Variants in NTRK3 observed in about 807,000 individuals in gnomAD.
NTRK3 encodes the protein NT-3 growth factor receptor.
Under a neutral mutation model 91.7 loss-of-function variants are expected in NTRK3, and 24 were observed. The ratio of observed to expected loss-of-function variants is 0.26; its 90% CI spans 0.19 to 0.37. The LOEUF (loss-of-function observed/expected upper bound fraction) is 0.37. NTRK3 is among the 10% of genes least tolerant of loss of function. The pLI is 1.00. For missense variants in NTRK3, 880 were observed against 1,068.9 expected, an observed-to-expected ratio of 0.82 and a Z score of 2.46; for synonymous variants, 483 against 404.0, an observed-to-expected ratio of 1.20 and a Z score of -2.34.
intron 14 of NTRK3, among the ~76,000 whole-genome samples, chr15:87,949,645 T>C (rs1217371680): frequency 6.6e-6 from 1 of 152,018 alleles, no homozygotes; most frequent in Admixed American, 6.6e-5. Flanking sequence ...CCCACCATGC[T>C]CCACCGCCAT....
chr15:87,970,931 T>G (rs9944243), intron 14 of NTRK3, among the ~76,000 whole-genome samples: 33,909 of 152,072 alleles, frequency 0.22, 5,300 homozygotes, highest in African/African-American at 0.44. Context: ...GTCAAGTGAT[T>G]GACCCAATAA....
intron 13 of NTRK3, among the ~76,000 whole-genome samples, chr15:88,068,392 T>C (rs908709905): frequency 2.6e-5 from 4 of 151,966 alleles, no homozygotes; most frequent in East Asian, 1.9e-4. Flanking sequence ...GATTGTGCCA[T>C]TGCACTCCAG....
At position 88,056,755 on chromosome 15, in the gene NTRK3, G is replaced by A. The variant is rs1362880815; in HGVS notation, c.1397-23710C>T. Among the ~76,000 whole-genome samples, 90 of 152,170 alleles carry A rather than the reference G, an allele frequency of 5.9e-4. 1 individual carries two copies. Among genetic ancestry groups the A allele is most frequent in the Admixed American group, 5.9e-3 (90 of 15,276 alleles). Reference sequence around the variant, plus strand: ...GCACTTTCTCAGTATCTCCCCATTGGGGTGACTCCACAGAGAGTCGACAAC... The same window carrying A: ...GCACTTTCTCAGTATCTCCCCATTGAGGTGACTCCACAGAGAGTCGACAAC... On this transcript the variant is annotated intron_variant, in intron 13 of 18. Coordinates refer to ENST00000394480, the Ensembl canonical transcript of NTRK3.
At chr15:87,918,155 G>C (rs1334095482) in intron 17 of NTRK3, among the ~76,000 whole-genome samples, 1 of 152,120 alleles carries the variant, frequency 6.6e-6, no homozygotes, top group Non-Finnish European at 1.5e-5. Context: ...TACCACTGTG[G>C]CACAGGATCT....
intron 17 of NTRK3, among the ~76,000 whole-genome samples, chr15:87,896,345 C>A (rs1288916896): frequency 1.3e-5 from 2 of 152,016 alleles, no homozygotes; most frequent in Non-Finnish European, 2.9e-5. Flanking sequence ...GTGGCGCACA[C>A]CTGTAGTCCC....
intron 5 of NTRK3, among the ~76,000 whole-genome samples, chr15:88,166,949 T>C (rs144758487): frequency 3.1e-4 from 47 of 152,284 alleles, no homozygotes; most frequent in Admixed American, 2.0e-4. Flanking sequence ...TGTGCACACA[T>C]GTACATTCCA....
chr15:87,984,877 C>A (rs2074607039), intron 14 of NTRK3, among the ~76,000 whole-genome samples: 1 of 152,086 alleles, frequency 6.6e-6, no homozygotes, highest in African/African-American at 2.4e-5. Context: ...CCATATTCTC[C>A]ACCAATTCCT....
intron 17 of NTRK3, among the ~76,000 whole-genome samples, chr15:87,907,191 T>A (rs1322090611): frequency 6.6e-6 from 1 of 152,156 alleles, no homozygotes; most frequent in Non-Finnish European, 1.5e-5. Flanking sequence ...AAACCAAGAG[T>A]TTGAACCCGA....
At chr15:87,915,378 G>A (rs1285878789) in intron 17 of NTRK3, among the ~76,000 whole-genome samples, 1 of 152,214 alleles carries the variant, frequency 6.6e-6, no homozygotes, top group Non-Finnish European at 1.5e-5. Flanking sequence ...AGGACATCTG[G>A]AGAAGGAGGT....
exon 19 of NTRK3, chr15:87,870,863 T>C (rs2064811442): frequency 4.4e-6 from 1 of 226,334 alleles, no homozygotes; most frequent in Admixed American, 5.7e-5. Context: ...CTTTGTCAGC[T>C]AGAAGTATCC....
intron 13 of NTRK3, among the ~76,000 whole-genome samples, chr15:88,059,075 C>G (rs2045978015): frequency 6.6e-6 from 1 of 152,066 alleles, no homozygotes; most frequent in Non-Finnish European, 1.5e-5. Context: ...CACACACACA[C>G]ACACAGCCCT....
chr15:88,064,694 GA>G (rs2046500314), intron 13 of NTRK3, among the ~76,000 whole-genome samples: 1 of 152,148 alleles, frequency 6.6e-6, no homozygotes, highest in Non-Finnish European at 1.5e-5. Context: ...GGACATGACA[GA>G]ACCAAGGAGC....
At chr15:88,220,426 T>C (rs535511940) in intron 3 of NTRK3, among the ~76,000 whole-genome samples, 1 of 152,204 alleles carries the variant, frequency 6.6e-6, no homozygotes, top group Non-Finnish European at 1.5e-5. Flanking sequence ...GAAAACGCCA[T>C]GGGCTTGCAG....
In NTRK3 at chr15:88,237,550, T is replaced by C. The variant is rs2051906382; in HGVS notation, c.248+18356A>G. On this transcript the variant is annotated intron_variant, in intron 3 of 18. Transcript: ENST00000394480. The surrounding 1 kb of genome is among the most constrained non-coding windows in gnomAD (Gnocchi z 4.0). Reference sequence around the variant, plus strand: ...AGAGCTAGAAATCATGCACTTTATATATGAGTTGTTTTGCTTATTTACACC... The same window carrying C: ...AGAGCTAGAAATCATGCACTTTATACATGAGTTGTTTTGCTTATTTACACC... Among the ~76,000 whole-genome samples, 1 of 152,206 alleles carries C rather than the reference T, an allele frequency of 6.6e-6. No individual in the cohort carries two copies. Among genetic ancestry groups the C allele is most frequent in the South Asian group, 2.1e-4 (1 of 4,824 alleles).
chr15:88,097,708 T>C (rs750567300), intron 13 of NTRK3, among the ~76,000 whole-genome samples: 2 of 152,206 alleles, frequency 1.3e-5, no homozygotes, highest in Non-Finnish European at 2.9e-5. Flanking sequence ...AAGCACGCAA[T>C]CTTTAAAAAC....
intron 6 of NTRK3, among the ~76,000 whole-genome samples, chr15:88,146,055 T>C (rs1465792661): frequency 2.0e-5 from 3 of 152,176 alleles, no homozygotes; most frequent in Non-Finnish European, 2.9e-5. Context: ...CCTTAAGGAA[T>C]TGCCATAAGG....
intron 17 of NTRK3, chr15:87,928,398 C>T (rs959513014): frequency 1.3e-5 from 2 of 152,118 alleles, no homozygotes; most frequent in African/African-American, 4.8e-5. Flanking sequence ...GGCCATTCAT[C>T]CTTTCCCTGG....
intron 13 of NTRK3, among the ~76,000 whole-genome samples, chr15:88,061,802 T>C (rs558693068): frequency 6.6e-6 from 1 of 152,280 alleles, no homozygotes; most frequent in South Asian, 2.1e-4. Context: ...AAAATGCCAG[T>C]CTGTGGAGGC....
At chr15:87,912,624 C>G (rs950251208) in intron 17 of NTRK3, among the ~76,000 whole-genome samples, 11 of 149,490 alleles carry the variant, frequency 7.4e-5, no homozygotes, top group African/African-American at 2.7e-4. Flanking sequence ...GACATCTGCT[C>G]TCTCTCTCTC....
Sources: gnomAD v4.1 joint callset for allele counts (sites outside exome capture counted in the v4.1 genomes callset) on GRCh38, gnomAD v4.1.1 for gene constraint, Gnocchi (gnomAD v3.1) non-coding constraint, MANE v1.5 for transcripts, NCBI Gene and HGNC (gene_info 2026-07-23, HGNC 2026-07-21) for gene names.